SLC2A13: variants seen among roughly 807,000 people sequenced by gnomAD.
SLC2A13 encodes the protein solute carrier family 2 member 13, also known as proton myo-inositol cotransporter.
SLC2A13 carries 32 observed loss-of-function variants against 64.4 expected under a neutral mutation model. The observed-to-expected ratio is 0.50, with a 90% CI of 0.37 to 0.67. The LOEUF (loss-of-function observed/expected upper bound fraction) is 0.67. Among genes scored for constraint, SLC2A13 ranks in the 30% least tolerant of loss-of-function variants. The probability of loss-of-function intolerance (pLI) is 0.00; values close to 1 mark genes in which losing one functional copy is unlikely to be tolerated. For synonymous variants in SLC2A13, 338 were observed against 327.1 expected (o/e 1.03, Z -0.36); for missense variants, 743 against 829.2 (o/e 0.90, Z 1.28).
At position 39,979,184 on chromosome 12, in the gene SLC2A13, A is replaced by G. The variant is rs1340868181; in HGVS notation, c.926-27819T>C. Among the ~76,000 whole-genome samples the G allele has an allele frequency of 1.4e-4, 19 of 139,278 alleles. 1 individual carries two copies. Among genetic ancestry groups the G allele is most frequent in the Non-Finnish European group, 2.7e-4 (17 of 64,090 alleles). 91.4% of individuals were successfully genotyped at this position (139,278 alleles called of 152,430 possible). On this transcript the variant is annotated intron_variant, in intron 3 of 9. Coordinates refer to ENST00000280871, the MANE Select transcript of SLC2A13 (RefSeq NM_052885.4). ...AAAAACCCATCTGTACATCACCATC[A>G]TCAAAGACCAAAAGTAGATAAAACC...
chr12:39,937,128 T>A (rs1380302029), intron 4 of SLC2A13, among the ~76,000 whole-genome samples: 1 of 152,164 alleles, frequency 6.6e-6, no homozygotes, highest in Non-Finnish European at 1.5e-5. Flanking sequence ...GCCTGGATAG[T>A]GAACTCATAG....
intron 3 of SLC2A13, among the ~76,000 whole-genome samples, chr12:39,970,583 A>G (rs561035679): frequency 6.6e-6 from 1 of 152,278 alleles, no homozygotes; most frequent in East Asian, 1.9e-4. Flanking sequence ...AATGCAGGCC[A>G]TCTCCAAGAT....
intron 7 of SLC2A13, among the ~76,000 whole-genome samples, chr12:39,778,691 C>G (rs186045962): frequency 6.6e-6 from 1 of 152,264 alleles, no homozygotes; most frequent in East Asian, 1.9e-4. Flanking sequence ...TTTCGTCATT[C>G]ATTTCTTCAC....
At chr12:39,772,952 C>T (rs758659224) in intron 7 of SLC2A13, among the ~76,000 whole-genome samples, 14 of 152,188 alleles carry the variant, frequency 9.2e-5, no homozygotes, top group Non-Finnish European at 1.8e-4. Flanking sequence ...ACGTAGATAG[C>T]TAATGACTGA....
At chr12:39,872,693 T>A (rs79987201) in intron 4 of SLC2A13, among the ~76,000 whole-genome samples, 5,689 of 152,288 alleles carry the variant, frequency 0.037, 157 homozygotes, top group Non-Finnish European at 0.056. Flanking sequence ...GGATGACAAG[T>A]TTATCACAAG....
At chr12:39,906,462 G>T (rs936865503) in intron 4 of SLC2A13, among the ~76,000 whole-genome samples, 1 of 151,968 alleles carries the variant, frequency 6.6e-6, no homozygotes, top group African/African-American at 2.4e-5. Context: ...TGTTATCCAG[G>T]GGAAAGTTAC....
intron 1 of SLC2A13, among the ~76,000 whole-genome samples, chr12:40,102,987 A>G (rs1188931196): frequency 6.6e-6 from 1 of 152,188 alleles, no homozygotes; most frequent in Non-Finnish European, 1.5e-5. Flanking sequence ...GTAAATGAAG[A>G]GGGCTTTTAC....
At chr12:40,074,663 T>C (rs992501921) in intron 1 of SLC2A13, among the ~76,000 whole-genome samples, 2 of 152,184 alleles carry the variant, frequency 1.3e-5, no homozygotes, top group Non-Finnish European at 2.9e-5. Flanking sequence ...TATCTGAGTT[T>C]GATTCTGATG....
chr12:39,970,819 T>C (rs1373903544), intron 3 of SLC2A13, among the ~76,000 whole-genome samples: 1 of 152,210 alleles, frequency 6.6e-6, no homozygotes, highest in Non-Finnish European at 1.5e-5. Flanking sequence ...ACCATTCACA[T>C]TGGGTATGCC....
chr12:39,777,904 C>G (rs1444059245), intron 7 of SLC2A13, among the ~76,000 whole-genome samples: 1 of 152,206 alleles, frequency 6.6e-6, no homozygotes, highest in African/African-American at 2.4e-5. Context: ...CCCTAGGATA[C>G]AGAAAGCCCT....
At chr12:40,041,429 C>A (rs1565601796) in intron 2 of SLC2A13, among the ~76,000 whole-genome samples, 1 of 152,106 alleles carries the variant, frequency 6.6e-6, no homozygotes, top group Non-Finnish European at 1.5e-5. Context: ...ACCTGGAATT[C>A]TTTTATTCAA....
At chr12:39,891,011 C>G (rs538442396) in intron 4 of SLC2A13, among the ~76,000 whole-genome samples, 5 of 152,088 alleles carry the variant, frequency 3.3e-5, no homozygotes, top group African/African-American at 9.6e-5. Context: ...TCTTCATACT[C>G]TTTCATATTT....
chr12:39,909,828 C>T (rs537460366), intron 4 of SLC2A13, among the ~76,000 whole-genome samples: 5 of 148,928 alleles, frequency 3.4e-5, no homozygotes, highest in East Asian at 1.9e-4. Context: ...ATGAGTTATC[C>T]GTTTTCTTTT....
chr12:39,991,657 C>T (rs1947140504), intron 3 of SLC2A13, among the ~76,000 whole-genome samples: 1 of 152,178 alleles, frequency 6.6e-6, no homozygotes, highest in Non-Finnish European at 1.5e-5. Context: ...CTTTGGACCC[C>T]CACCCATCCA....
chr12:39,865,836 C>T (rs7134335), intron 5 of SLC2A13, among the ~76,000 whole-genome samples: 94,673 of 152,020 alleles, frequency 0.62, 29,775 homozygotes, highest in East Asian at 0.76. Context: ...TAAAAACACA[C>T]GGATACAATG....
At chr12:39,970,148 C>T (rs1021483389) in intron 3 of SLC2A13, among the ~76,000 whole-genome samples, 3 of 152,070 alleles carry the variant, frequency 2.0e-5, no homozygotes, top group South Asian at 4.1e-4. Flanking sequence ...TGTTCTGTTC[C>T]GTTGATCTAT....
At chr12:39,965,960 A>G (rs1946503389) in intron 3 of SLC2A13, among the ~76,000 whole-genome samples, 1 of 152,086 alleles carries the variant, frequency 6.6e-6, no homozygotes, top group Admixed American at 6.6e-5. Flanking sequence ...AAACTTGGAC[A>G]TGAGAAATCT....
intron 9 of SLC2A13, among the ~76,000 whole-genome samples, chr12:39,760,973 C>CACACACACACACACACAT: frequency 6.6e-6 from 1 of 151,332 alleles, no homozygotes; most frequent in Admixed American, 6.6e-5. Context: ...CACACACACA[C>CACACACACACACACACAT]ATAATTGAAT....
chr12:40,083,570 A>C (rs1191489514), intron 1 of SLC2A13, among the ~76,000 whole-genome samples: 6 of 152,154 alleles, frequency 3.9e-5, no homozygotes, highest in African/African-American at 1.4e-4. Flanking sequence ...CAGGTTTTTA[A>C]CTGGGCTGGC....
Sources: gnomAD v4.1 joint callset for allele counts (sites outside exome capture counted in the v4.1 genomes callset) on GRCh38, gnomAD v4.1.1 for gene constraint, MANE v1.5 for transcripts, NCBI Gene and HGNC (gene_info 2026-07-23, HGNC 2026-07-21) for gene names.